Variants in CILP2 observed in about 807,000 individuals in gnomAD.
CILP2 encodes CILP-2.
In CILP2, 38 loss-of-function variants were observed where a neutral mutation model predicts 45.6. That is an observed-to-expected ratio of 0.83 (90% confidence interval 0.64 to 1.09). The LOEUF is 1.09. Ranked by LOEUF, CILP2 falls within the 50% of genes least tolerant of loss-of-function variation. The probability of loss-of-function intolerance (pLI) is 0.00; values close to 1 mark genes in which losing one functional copy is unlikely to be tolerated. For missense variants in CILP2, 1,735 were observed against 1,662.2 expected, an observed-to-expected ratio of 1.04 and a Z score of -0.76; for synonymous variants, 780 against 723.5, an observed-to-expected ratio of 1.08 and a Z score of -1.25.
In CILP2 at chr19:19,545,265, A is replaced by G; in HGVS notation, c.2720A>G (p.Tyr907Cys). The change falls in exon 8 of 8, where the codon TAC becomes TGC. Residue 907 changes from tyrosine to cysteine, a missense_variant. Transcript: ENST00000291495. ...FRFARVEADKYEYNVVPFREG... is the reference protein window; with the variant it reads ...FRFARVEADKCEYNVVPFREG... ...TTCGCCAGGGTGGAGGCGGACAAGTACGAGTACAACGTGGTCCCCTTCCGA... is the reference window on the plus strand; with the variant it reads ...TTCGCCAGGGTGGAGGCGGACAAGTGCGAGTACAACGTGGTCCCCTTCCGA... The G allele has an allele frequency of 6.2e-7, 1 of 1,612,812 alleles. No homozygotes were observed. Among genetic ancestry groups the G allele is most frequent in the Non-Finnish European group, 8.5e-7 (1 of 1,179,822 alleles).
chr19:19,542,848 C>T lies in CILP2; in HGVS notation c.869-16C>T, dbSNP rs2061249389. ...TGGGTGGGAGAAGCTCTGATCTTTA[C>T]CACCTTTGACCCCAGAGAAGCCGTA... On this transcript the variant is annotated splice_polypyrimidine_tract_variant and intron_variant, in intron 5 of 7. Coordinates refer to ENST00000291495, the MANE Select transcript of CILP2 (RefSeq NM_153221.2). The T allele has an allele frequency of 1.2e-6, 2 of 1,601,380 alleles. No homozygotes were observed. The highest frequency in any genetic ancestry group is 4.5e-5 in the East Asian group (2 of 44,812).
chr19:19,540,080 T>A, intron 2 of CILP2, 124 bp from the exon 3 acceptor site: 1 of 1,316,408 alleles, frequency 7.6e-7, no homozygotes, highest in Non-Finnish European at 1.0e-6. Context: ...GCTCGGGTCG[T>A]GGGCGCGCTC....
Position 19,545,243 on chromosome 19 carries a change from G to T in CILP2, c.2698G>T (p.Ala900Ser), listed in dbSNP as rs541483234. 4.3e-6 allele frequency: 7 copies of T among 1,612,374 alleles called. No homozygotes were observed. The highest frequency in any genetic ancestry group is 1.7e-4 in the Middle Eastern group (1 of 6,058). ...GGTGACTGCCAGCCACTTCCGCTTC[G>T]CCAGGGTGGAGGCGGACAAGTACGA... ...APVTASHFRF[A>S]RVEADKYEYN... Residue 900 changes from alanine to serine, a missense_variant, in exon 8 of 8, where the codon GCC becomes TCC. Coordinates refer to ENST00000291495, the MANE Select transcript of CILP2 (RefSeq NM_153221.2).
intron 1 of CILP2, 121 bp downstream of exon 1, chr19:19,538,534 G>C: frequency 1.3e-6 from 1 of 750,474 alleles, no homozygotes; most frequent in Non-Finnish European, 2.0e-6. Flanking sequence ...CCGGGGACTG[G>C]GTCCCCTTCA....
rs149585848 is a variant in CILP2, at chr19:19,545,356, G to A, written c.2811G>A (p.Arg937=). 59 of 1,612,222 alleles carry A rather than the reference G, an allele frequency of 3.7e-5. No homozygotes were observed. The African/African-American group carries it at 7.1e-4, about 19-fold the overall frequency. Residue 937 remains arginine, a synonymous_variant, in exon 8 of 8, where the codon CGG becomes CGA. Coordinates refer to ENST00000291495, the MANE Select transcript of CILP2 (RefSeq NM_153221.2). ...GGTGGCCCAACCCGCAGGAGTTCCG[G>A]GCCTGCTTCCTCAAGGTGAAGATCC... The part of the protein sequence containing the change: ...LAWWPNPQEF[R]ACFLKVKIQG...
intron 3 of CILP2, 150 bp from the exon 4 acceptor site, chr19:19,540,941 G>C: frequency 1.4e-6 from 1 of 731,772 alleles, no homozygotes; most frequent in Non-Finnish European, 1.9e-6. Flanking sequence ...GCATGGGTGG[G>C]GGCGATGGCA....
rs771547386 is a variant in CILP2 at position 19,544,577 on chromosome 19, G to A, written c.2032G>A (p.Ala678Thr). The change falls in exon 8 of 8, where the codon GCC (alanine) becomes ACC (threonine). Residue 678 changes from alanine (A) to threonine (T), a missense_variant. Ala to Thr is a moderately conservative substitution (Grantham distance 58, BLOSUM62 0). Coordinates refer to ENST00000291495, the MANE Select transcript of CILP2 (RefSeq NM_153221.2). ...SQIHMPGHVE[A>T]LKLWSLNPET... Reference sequence around the variant, plus strand: ...GATCCACATGCCAGGCCACGTGGAGGCCCTCAAGCTGTGGTCGCTGAACCC... The same window carrying A: ...GATCCACATGCCAGGCCACGTGGAGACCCTCAAGCTGTGGTCGCTGAACCC... 201 of 1,575,002 alleles carry A rather than the reference G, an allele frequency of 1.3e-4. No individual in the cohort carries two copies. Among genetic ancestry groups the A allele is most frequent in the Non-Finnish European group, 1.6e-4 (182 of 1,166,736 alleles).
intron 7 of CILP2, 75 bp downstream of exon 7, chr19:19,543,480 A>C: frequency 6.4e-7 from 1 of 1,554,976 alleles, no homozygotes; most frequent in Non-Finnish European, 8.8e-7. Context: ...GCTCAACCCC[A>C]AATGGAGCCC....
At chr19:19,538,527 G>T in intron 1 of CILP2, 114 bp downstream of exon 1, 1 of 805,646 alleles carries the variant, frequency 1.2e-6, no homozygotes, top group Non-Finnish European at 1.8e-6. Flanking sequence ...CGCTTCCCCG[G>T]GGACTGGGTC....
In CILP2 at chr19:19,544,090, C is replaced by G. The variant is rs937308552; in HGVS notation, c.1545C>G (p.Pro515=). 1 of 1,614,040 alleles carries G rather than the reference C, an allele frequency of 6.2e-7. No homozygotes were observed. The highest frequency in any genetic ancestry group is 1.7e-5 in the Admixed American group (1 of 60,022). Residue 515 remains proline (P), a synonymous_variant, in exon 8 of 8, where the codon CCC becomes CCG. Transcript: ENST00000291495. ...GCGACTTTACCATTGAGGTGCCGCC[C>G]TCCACCCAGCGGCTGGTGGTGACTT... ...YQGDFTIEVP[P]STQRLVVTFV...
chr19:19,542,806 G>T (rs193028137), intron 5 of CILP2, 58 bp from the exon 6 acceptor site: 5 of 1,554,240 alleles, frequency 3.2e-6, no homozygotes, highest in Non-Finnish European at 3.6e-6. Context: ...GGATGGGGAC[G>T]TTGCTCCTAG....
In CILP2 at chr19:19,543,743, T is replaced by C. The variant is rs2061252598; in HGVS notation, c.1198T>C (p.Cys400Arg). 1.2e-6 allele frequency: 2 copies of C among 1,613,184 alleles called. No homozygotes were observed. Among genetic ancestry groups the C allele is most frequent in the South Asian group, 2.2e-5 (2 of 91,006 alleles). The change falls in exon 8 of 8, where the codon TGT becomes CGT. Residue 400 changes from cysteine to arginine, a missense_variant. By Grantham distance (180) the Cys-to-Arg change is radical (BLOSUM62 -3). Coordinates refer to ENST00000291495, the MANE Select transcript of CILP2 (RefSeq NM_153221.2). ...REYLIKLPED[C>R]GQPGSGPAYL... is the part of the protein sequence containing the mutation. The stretch of plus-strand genomic sequence containing the variant: ...GTACCTGATCAAGCTCCCTGAGGAC[T>C]GTGGTCAGCCAGGTAGTGGCCCTGC...
chr19:19,543,499 G>A, intron 7 of CILP2, 94 bp downstream of exon 7: 1 of 1,494,388 alleles, frequency 6.7e-7, no homozygotes, highest in Admixed American at 1.7e-5. Context: ...CCCCACTTCA[G>A]ACTGATCCAA....
chr19:19,540,998 G>A (rs1568368970), intron 3 of CILP2, 93 bp from the exon 4 acceptor site: 2 of 1,129,196 alleles, frequency 1.8e-6, no homozygotes, highest in East Asian at 3.2e-5. Context: ...TATGTGAGGG[G>A]GTTGGGGAAG....
At position 19,540,304 on chromosome 19, in the gene CILP2, C is replaced by T. The variant is rs1282497109; in HGVS notation, c.264C>T (p.Arg88=). Residue 88 remains arginine, a synonymous_variant, in exon 3 of 8, where the codon CGC becomes CGT. Transcript: ENST00000291495. ...TCCGCTTCTACTACGGGCCAGCGCG[C>T]GTGTGCCCGCGACCGCTGGCGCTGG... ...AAIRFYYGPA[R]VCPRPLALEA... The T allele has an allele frequency of 6.3e-7, 1 of 1,587,114 alleles. No individual in the cohort carries two copies.
At chr19:19,542,266 T>C in intron 4 of CILP2, 109 bp from the exon 5 acceptor site, 2 of 1,316,016 alleles carry the variant, frequency 1.5e-6, no homozygotes, top group East Asian at 4.9e-5. Flanking sequence ...AGAGGCACCT[T>C]ATGGGGGGGC....
rs763201505 is a variant in CILP2, at chr19:19,544,671, G to T, written c.2126G>T (p.Arg709Leu). 1.9e-6 allele frequency: 3 copies of T among 1,565,936 alleles called. No homozygotes were observed. The highest frequency in any genetic ancestry group is 1.7e-6 in the Non-Finnish European group (2 of 1,163,118). The stretch of plus-strand genomic sequence containing the variant: ...GGGTCCTCGGGCCCCCGGGTGCGCC[G>T]GGAGGAGCGCGTCTTCCTGGTGGGC... ...REGSSGPRVR[R>L]EERVFLVGNV... Residue 709 changes from arginine to leucine, a missense_variant, in exon 8 of 8, where the codon CGG becomes CTG. Arg to Leu is a moderately radical substitution (Grantham distance 102, BLOSUM62 -2). Coordinates refer to ENST00000291495, the MANE Select transcript of CILP2 (RefSeq NM_153221.2).
At chr19:19,540,664 T>G (rs915548944) in intron 3 of CILP2, 188 bp downstream of exon 3, 1 of 691,144 alleles carries the variant, frequency 1.4e-6, no homozygotes, top group South Asian at 2.7e-5. Context: ...GCGGGGCTTT[T>G]GAAGAGAGGC....
In CILP2 at chr19:19,544,283, C is replaced by T; in HGVS notation, c.1738C>T (p.Pro580Ser). The change falls in exon 8 of 8, where the codon CCC becomes TCC. Residue 580 changes from proline (P) to serine (S), a missense_variant. Transcript: ENST00000291495. ...CCTGGGCGAGCTGGAAGATGAGGCG[C>T]CCCTGGGCGAGCTGGTCCTGCCTTC... ...IPLGELEDEA[P>S]LGELVLPSGA... The T allele has an allele frequency of 6.2e-7, 1 of 1,613,376 alleles. No individual in the cohort carries two copies. Among genetic ancestry groups the T allele is most frequent in the Non-Finnish European group, 8.5e-7 (1 of 1,180,002 alleles).
Sources: gnomAD v4.1 joint callset for allele counts on GRCh38, gnomAD v4.1.1 for gene constraint, MANE v1.5 for transcripts, NCBI Gene and HGNC (gene_info 2026-07-23, HGNC 2026-07-21) for gene names.